The following EPC1 variants were observed in gnomAD, a reference collection of about 807,000 sequenced individuals.
The protein encoded by EPC1 is enhancer of polycomb homolog 1.
A neutral mutation model predicts 98.4 loss-of-function variants in EPC1; 12 were observed. That is an observed-to-expected ratio of 0.12 (90% CI 0.08 to 0.20). EPC1 has a LOEUF of 0.20. Ranked by LOEUF, EPC1 falls within the 10% of genes least tolerant of loss-of-function variation. The pLI, the probability that EPC1 is intolerant of heterozygous loss-of-function variation, is 1.00. For missense variants in EPC1, 729 were observed against 990.5 expected (o/e 0.74, Z 3.54); for synonymous variants, 357 against 363.9 (o/e 0.98, Z 0.21).
intron 6 of EPC1, among the ~76,000 whole-genome samples, chr10:32,290,487 A>ATC (rs1353618163): frequency 1.6e-5 from 1 of 64,500 alleles, no homozygotes. Context: ...CTCTGTCAAA[A>ATC]AAAAAAAAAA....
intron 10 of EPC1, among the ~76,000 whole-genome samples, chr10:32,280,969 A>G (rs1245029777): frequency 6.6e-6 from 1 of 152,180 alleles, no homozygotes; most frequent in Non-Finnish European, 1.5e-5. Flanking sequence ...GGAAAATTCT[A>G]CACCTGGCCT....
intron 1 of EPC1, among the ~76,000 whole-genome samples, chr10:32,336,563 A>G (rs1837988223): frequency 6.6e-6 from 1 of 151,804 alleles, no homozygotes; most frequent in East Asian, 1.9e-4. Context: ...ATCCTTTTAC[A>G]TTTTTCTAAG....
exon 1 of EPC1, chr10:32,378,537 A>G (rs1346025334): frequency 1.3e-6 from 2 of 1,511,566 alleles, no homozygotes; most frequent in Non-Finnish European, 1.8e-6. Flanking sequence ...AAAAATTGTA[A>G]CAATATAGGC....
chr10:32,347,094 C>G lies in EPC1; in HGVS notation c.-179G>C. 1 of 1,442,804 alleles carries G rather than the reference C, an allele frequency of 6.9e-7. No homozygotes were observed. The highest frequency in any genetic ancestry group is 1.5e-5 in the South Asian group (1 of 68,934). The allele number at this position is 1,442,804 out of a possible 1,614,324, so 89.4% of individuals were successfully genotyped here. A position where few individuals can be genotyped will look rare whatever the true frequency, so the allele number is the denominator to read the frequency against. On this transcript the variant is annotated 5_prime_UTR_variant, in exon 1 of 14. Transcript: ENST00000319778. ...GAGGGTGGGAGGCTGTGCCGCTCCG[C>G]TCCTCTCTCGCTCGCTCTCTTCAAT...
intron 6 of EPC1, among the ~76,000 whole-genome samples, chr10:32,288,070 C>T (rs754954616): frequency 1.8e-4 from 27 of 152,040 alleles, no homozygotes; most frequent in Admixed American, 1.3e-4. Context: ...GCAAATACCA[C>T]GGTTATGTAA....
intron 10 of EPC1, among the ~76,000 whole-genome samples, chr10:32,279,219 C>T (rs749641892): frequency 6.6e-5 from 10 of 151,798 alleles, no homozygotes; most frequent in African/African-American, 9.7e-5. Flanking sequence ...CGTGGTGGCA[C>T]GCACCTGTAG....
At chr10:32,378,584 C>A (rs999380455) in exon 1 of EPC1, 2 of 874,828 alleles carry the variant, frequency 2.3e-6, no homozygotes, top group Non-Finnish European at 3.6e-6. Context: ...AGCCTCCAGG[C>A]AGCATATGGA....
At chr10:32,299,562 C>CATCATCATCATCATCATT (rs1219644954) in intron 2 of EPC1, among the ~76,000 whole-genome samples, 5 of 152,094 alleles carry the variant, frequency 3.3e-5, no homozygotes, top group African/African-American at 1.2e-4. Context: ...TCATCATCAT[C>CATCATCATCATCATCATT]ATTATTATTA....
At chr10:32,278,602 C>T (rs553515779) in intron 10 of EPC1, among the ~76,000 whole-genome samples, 69 of 152,024 alleles carry the variant, frequency 4.5e-4, no homozygotes, top group Non-Finnish European at 7.6e-4. Context: ...GGGATGGTCT[C>T]GATCTCCTGA....
chr10:32,316,478 T>C (rs1836554097), intron 1 of EPC1, among the ~76,000 whole-genome samples: 1 of 152,176 alleles, frequency 6.6e-6, no homozygotes, highest in South Asian at 2.1e-4. Flanking sequence ...AGCAGACTAC[T>C]ACTCAGCAAT....
chr10:32,376,282 C>T (rs1011455526), intron 1 of EPC1, among the ~76,000 whole-genome samples: 3 of 151,918 alleles, frequency 2.0e-5, no homozygotes, highest in Admixed American at 6.6e-5. Flanking sequence ...AAGGGGGCTA[C>T]CTTATATACA....
In EPC1 at chr10:32,273,179, G is replaced by C. The variant is rs776962013; in HGVS notation, c.1847C>G (p.Ser616Cys). Reference sequence around the variant, plus strand: ...ATCCCTCACCTGTGATGTGTTGGTGGAGGAATTACTATTTGCTTGCTGTTG... The same window carrying C: ...ATCCCTCACCTGTGATGTGTTGGTGCAGGAATTACTATTTGCTTGCTGTTG... ...IQQQQANSNSSTNTSQGFVSK... is the reference protein window; with the variant it reads ...IQQQQANSNSCTNTSQGFVSK... The change falls in exon 11 of 14, where the codon TCC becomes TGC. Residue 616 changes from serine to cysteine, a missense_variant. Physicochemically the swap from Ser to Cys is moderately radical, Grantham distance 112. Coordinates refer to ENST00000319778, the MANE Select transcript of EPC1 (RefSeq NM_001272004.3). The C allele has an allele frequency of 6.2e-7, 1 of 1,614,128 alleles. No individual in the cohort carries two copies. The highest frequency in any genetic ancestry group is 8.5e-7 in the Non-Finnish European group (1 of 1,179,990).
intron 1 of EPC1, among the ~76,000 whole-genome samples, chr10:32,333,745 CTCAG>C (rs961798703): frequency 7.3e-6 from 1 of 136,352 alleles, no homozygotes; most frequent in African/African-American, 2.6e-5. Context: ...CACAGTGTAT[CTCAG>C]TCAGACAATA....
At chr10:32,357,003 T>C (rs1218335663) in intron 1 of EPC1, among the ~76,000 whole-genome samples, 1 of 151,958 alleles carries the variant, frequency 6.6e-6, no homozygotes, top group African/African-American at 2.4e-5. Context: ...ATAAAAAAAT[T>C]TACCAAAGCC....
chr10:32,320,869 G>A (rs1047961460), intron 1 of EPC1, among the ~76,000 whole-genome samples: 2 of 151,710 alleles, frequency 1.3e-5, no homozygotes, highest in South Asian at 4.2e-4. Flanking sequence ...TTACAGGCGT[G>A]AGCCACCACA....
intron 1 of EPC1, among the ~76,000 whole-genome samples, chr10:32,327,572 AGTGTTGCTTAATAATGGGAAT>A (rs1429698468): frequency 8.5e-5 from 13 of 152,182 alleles, no homozygotes; most frequent in African/African-American, 3.1e-4. Context: ...AATATAGCCA[AGTGTTGCTTAATAATGGGAAT>A]GTGTTCTGAG....
At chr10:32,334,481 T>TTA (rs1837836367) in intron 1 of EPC1, among the ~76,000 whole-genome samples, 1 of 151,674 alleles carries the variant, frequency 6.6e-6, no homozygotes, top group African/African-American at 2.4e-5. Flanking sequence ...AAATCACACT[T>TTA]TATACAGGTA....
chr10:32,321,195 A>C (rs1267065414), intron 1 of EPC1, among the ~76,000 whole-genome samples: 1 of 152,186 alleles, frequency 6.6e-6, no homozygotes, highest in East Asian at 1.9e-4. Flanking sequence ...ATTGGAACAT[A>C]GCCACACTCA....
rs747343042 is a variant in EPC1, at chr10:32,287,214, G to T, written c.1036C>A (p.Pro346Thr). The change falls in exon 7 of 14, where the codon CCA becomes ACA. Residue 346 changes from proline (P) to threonine (T), a missense_variant. Transcript: ENST00000319778. ...RKYEKKPKVL[P>T]SSAAATPQQT... is the part of the protein sequence containing the mutation. The stretch of plus-strand genomic sequence containing the variant: ...TGGGGAGTAGCAGCGGCAGACGATG[G>T]TAAGACTTTGGGCTTCTTTTCATAT... 2 of 1,614,092 alleles carry T rather than the reference G, an allele frequency of 1.2e-6. No individual in the cohort carries two copies. The highest frequency in any genetic ancestry group is 1.7e-6 in the Non-Finnish European group (2 of 1,180,032).
Sources: allele counts gnomAD v4.1 joint callset (sites outside exome capture counted in the v4.1 genomes callset), GRCh38; gene constraint gnomAD v4.1.1; transcripts MANE v1.5; gene names NCBI Gene and HGNC (gene_info 2026-07-23, HGNC 2026-07-21).